The following CCR6 variants were observed in gnomAD, a reference collection of about 807,000 sequenced individuals.
CCR6 encodes C-C chemokine receptor type 6.
A neutral mutation model predicts 3.0 loss-of-function variants in CCR6; 2 were observed. The observed-to-expected ratio is 0.66, with a 90% CI of 0.27 to 2.07. The LOEUF (loss-of-function observed/expected upper bound fraction) is 2.07, where lower values mean the gene tolerates loss of function less well. Ranked by LOEUF, CCR6 falls within the 30% of genes most tolerant of loss-of-function variation. The pLI, the probability that CCR6 is intolerant of heterozygous loss-of-function variation, is 0.14. For synonymous variants in CCR6, 193 were observed against 184.3 expected (o/e 1.05, Z -0.38); for missense variants, 322 against 462.8 (o/e 0.70, Z 2.79).
chr6:167,130,538 T>C (rs1259977844), intron 1 of CCR6, among the ~76,000 whole-genome samples: 1 of 151,798 alleles, frequency 6.6e-6, no homozygotes, highest in African/African-American at 2.4e-5. Flanking sequence ...CAAAACAGTT[T>C]CCTTAAAACA....
At chr6:167,123,432 A>G (rs1781618081) in intron 1 of CCR6, among the ~76,000 whole-genome samples, 1 of 152,162 alleles carries the variant, frequency 6.6e-6, no homozygotes, top group South Asian at 2.1e-4. Flanking sequence ...GTGTATAGTA[A>G]GGGATTTCAT....
intron 1 of CCR6, among the ~76,000 whole-genome samples, chr6:167,117,564 G>A (rs978570728): frequency 4.6e-5 from 7 of 151,286 alleles, no homozygotes; most frequent in African/African-American, 7.3e-5. Flanking sequence ...CTACAGGCGC[G>A]CGCCACCACG....
intron 1 of CCR6, among the ~76,000 whole-genome samples, chr6:167,133,589 CTTGAATTTCT>C (rs1330154494): frequency 1.3e-5 from 2 of 148,844 alleles, no homozygotes; most frequent in African/African-American, 4.9e-5. Context: ...TTTTAATTTC[CTTGAATTTCT>C]ATAAAAATTT....
At chr6:167,132,338 G>A (rs142939767) in intron 1 of CCR6, among the ~76,000 whole-genome samples, 1 of 152,222 alleles carries the variant, frequency 6.6e-6, no homozygotes, top group East Asian at 1.9e-4. Context: ...TGTAGGAGTC[G>A]GTTGCAGGTT....
At chr6:167,122,276 C>T (rs761531416), upstream of CCR6, among the ~76,000 whole-genome samples, 2 of 152,208 alleles carry the variant, frequency 1.3e-5, no homozygotes, top group African/African-American at 4.8e-5. This position sits in a 1 kb window ranked among gnomAD's most constrained non-coding sequence, Gnocchi z 4.2. Flanking sequence ...TTTCCTGAGA[C>T]GTGGTTCACA....
chr6:167,135,748 C>T (rs370905887), intron 1 of CCR6, among the ~76,000 whole-genome samples: 6 of 152,192 alleles, frequency 3.9e-5, no homozygotes, highest in Non-Finnish European at 7.3e-5. Context: ...CTCTAGCCAA[C>T]GGACCCCGGC....
At chr6:167,124,808 C>T (rs1176918458) in intron 1 of CCR6, among the ~76,000 whole-genome samples, 2 of 151,972 alleles carry the variant, frequency 1.3e-5, no homozygotes, top group Non-Finnish European at 2.9e-5. Context: ...CGCACACACA[C>T]ACACACACAT....
At chr6:167,116,450 C>T (rs934157599) in intron 1 of CCR6, among the ~76,000 whole-genome samples, 6 of 152,212 alleles carry the variant, frequency 3.9e-5, no homozygotes, top group Non-Finnish European at 8.8e-5. Flanking sequence ...TGAGGCCCTC[C>T]TCTCAGCCCA....
chr6:167,136,669 A>G lies in CCR6; in HGVS notation c.439A>G (p.Ile147Val). 1.2e-6 allele frequency: 2 copies of G among 1,614,150 alleles called. No individual in the cohort carries two copies. The highest frequency in any genetic ancestry group is 1.7e-6 in the Non-Finnish European group (2 of 1,180,018). ...TCISMDRYIAIVQATKSFRLR... is the reference protein window; with the variant it reads ...TCISMDRYIAVVQATKSFRLR... ...CATTAGCATGGACCGGTACATCGCC[A>G]TTGTACAGGCGACTAAGTCATTCCG... The change falls in exon 3 of 3, where the codon ATT becomes GTT. Residue 147 changes from isoleucine to valine, a missense_variant. By Grantham distance (29) the Ile-to-Val change is conservative (BLOSUM62 3). Transcript: ENST00000341935. This position sits in a 1 kb window ranked among gnomAD's most constrained non-coding sequence, Gnocchi z 4.6.
At chr6:167,112,910 G>A (rs1377501582) in intron 1 of CCR6, among the ~76,000 whole-genome samples, 1 of 152,110 alleles carries the variant, frequency 6.6e-6, no homozygotes, top group Non-Finnish European at 1.5e-5. Flanking sequence ...GAGTTCTAGT[G>A]ATAGCATTGT....
upstream of CCR6, chr6:167,119,481 A>G (rs1203299966): frequency 6.6e-6 from 1 of 152,244 alleles, no homozygotes; most frequent in African/African-American, 2.4e-5. Context: ...TAACTATCTG[A>G]AAAAATGATT....
intron 1 of CCR6, among the ~76,000 whole-genome samples, chr6:167,125,428 C>T (rs1232354599): frequency 6.6e-6 from 1 of 152,230 alleles, no homozygotes; most frequent in Admixed American, 6.5e-5. Context: ...AGCCCCCCAC[C>T]CACAGCTCTC....
intron 1 of CCR6, among the ~76,000 whole-genome samples, chr6:167,116,433 C>G (rs1481210371): frequency 2.0e-5 from 3 of 152,240 alleles, no homozygotes; most frequent in Non-Finnish European, 4.4e-5. Context: ...GCAGCTGGGC[C>G]TTTCTCTGAG....
At chr6:167,117,554 C>T (rs1036334408) in intron 1 of CCR6, among the ~76,000 whole-genome samples, 9 of 151,202 alleles carry the variant, frequency 6.0e-5, no homozygotes, top group Non-Finnish European at 8.8e-5. Flanking sequence ...GTAGCTGGGA[C>T]TACAGGCGCG....
chr6:167,120,174 C>G (rs1397644106), upstream of CCR6, among the ~76,000 whole-genome samples: 1 of 152,014 alleles, frequency 6.6e-6, no homozygotes, highest in Non-Finnish European at 1.5e-5. Context: ...GTTGGGGCCT[C>G]CACTGCAGGT....
upstream of CCR6, chr6:167,119,305 A>G (rs3093024): frequency 0.61 from 92,813 of 152,748 alleles, 28,463 homozygotes; most frequent in African/African-American, 0.69. Context: ...GGACGCTCGC[A>G]GTGGCATTTC....
rs373790343 is a variant in CCR6 at position 167,137,221 on chromosome 6, T to C, written c.991T>C (p.Leu331=). ...GTTCAGAAACTACTTTCTGAAGATC[T>C]TGAAGGACCTGTGGTGTGTGAGAAG... ...QKFRNYFLKI[L]KDLWCVRRKY... is the part of the protein sequence containing the mutation. Residue 331 remains leucine, a synonymous_variant, in exon 3 of 3, where the codon TTG becomes CTG. Coordinates refer to ENST00000341935, the MANE Select transcript of CCR6 (RefSeq NM_031409.4). This position sits in a 1 kb window ranked among gnomAD's most constrained non-coding sequence, Gnocchi z 4.6. 4.3e-6 allele frequency: 7 copies of C among 1,614,076 alleles called. No homozygotes were observed. The highest frequency in any genetic ancestry group is 2.2e-5 in the South Asian group (2 of 91,078).
Position 167,136,139 on chromosome 6 carries a change from G to A in CCR6, c.5G>A (p.Ser2Asn), listed in dbSNP as rs555016384. ...CTTGCATTTTTTCTGCCCACAATGAGCGGGGTAAGATTTTTATTTTTGGCA... is the reference window on the plus strand; with the variant it reads ...CTTGCATTTTTTCTGCCCACAATGAACGGGGTAAGATTTTTATTTTTGGCA... M[S>N]GESMNFSDVF... Residue 2 changes from serine to asparagine, a missense_variant, in exon 2 of 3, where the codon AGC (serine) becomes AAC (asparagine). Transcript: ENST00000341935. This position sits in a 1 kb window ranked among gnomAD's most constrained non-coding sequence, Gnocchi z 4.6. 2.5e-6 allele frequency: 4 copies of A among 1,613,910 alleles called. No individual in the cohort carries two copies. The highest frequency in any genetic ancestry group is 1.3e-5 in the African/African-American group (1 of 75,044).
chr6:167,112,713 A>T (rs953102386), intron 1 of CCR6, among the ~76,000 whole-genome samples: 2 of 152,112 alleles, frequency 1.3e-5, no homozygotes, highest in African/African-American at 4.8e-5. Flanking sequence ...ACAGGTGAGA[A>T]GGACATCCCA....
Sources: allele counts gnomAD v4.1 joint callset (sites outside exome capture counted in the v4.1 genomes callset), GRCh38; gene constraint gnomAD v4.1.1; non-coding constraint Gnocchi (gnomAD v3.1); transcripts MANE v1.5; gene names NCBI Gene and HGNC (gene_info 2026-07-23, HGNC 2026-07-21).